Variants in BRDT observed in about 807,000 individuals in gnomAD.
BRDT encodes the protein bromodomain testis associated, also known as bromodomain testis-specific protein.
Under a neutral mutation model 113.9 loss-of-function variants are expected in BRDT, and 77 were observed. The observed-to-expected ratio is 0.68, with a 90% CI of 0.56 to 0.82. The LOEUF is 0.82. Among genes scored for constraint, BRDT ranks in the 40% least tolerant of loss-of-function variants. The pLI, the probability that BRDT is intolerant of heterozygous loss-of-function variation, is 0.00. For synonymous variants in BRDT, 358 were observed against 366.5 expected (o/e 0.98, Z 0.26); for missense variants, 1,027 against 1,105.4 (o/e 0.93, Z 1.01).
At chr1:91,965,998 C>T (rs1371431940) in intron 3 of BRDT, among the ~76,000 whole-genome samples, 1 of 152,032 alleles carries the variant, frequency 6.6e-6, no homozygotes, top group Non-Finnish European at 1.5e-5. Context: ...AATGAATTTG[C>T]CCATATGATA....
chr1:91,976,834 GA>G, intron 5 of BRDT, among the ~76,000 whole-genome samples: 1 of 152,180 alleles, frequency 6.6e-6, no homozygotes, highest in East Asian at 1.9e-4. Flanking sequence ...TGGTATGTGG[GA>G]AGATAATATT....
intron 15 of BRDT, among the ~76,000 whole-genome samples, chr1:91,998,436 T>C (rs1471843828): frequency 1.3e-5 from 2 of 152,144 alleles, no homozygotes; most frequent in Non-Finnish European, 2.9e-5. Context: ...AGCAAACCAC[T>C]ATGGCACGTG....
intron 1 of BRDT, among the ~76,000 whole-genome samples, chr1:91,957,839 TTTTTTGTTTTTG>T (rs375423962): frequency 1.3e-5 from 2 of 152,018 alleles, no homozygotes; most frequent in African/African-American, 2.4e-5. Flanking sequence ...TTTTTTGTTG[TTTTTTGTTTTTG>T]TTTTTGTTTT....
intron 18 of BRDT, among the ~76,000 whole-genome samples, chr1:92,009,572 C>T (rs1290725976): frequency 2.5e-5 from 1 of 39,444 alleles, no homozygotes; most frequent in Non-Finnish European, 5.4e-5. Context: ...TTTCTCTTGA[C>T]ACAGTCTCAC....
chr1:91,976,419 G>A lies in BRDT; in HGVS notation c.599G>A (p.Ser200Asn), dbSNP rs200502585. ...GTACAGGGAGCTTCAGTCAACTCCAGTTCACAAACTGCGGCCCAAGTAAGT... is the reference window on the plus strand; with the variant it reads ...GTACAGGGAGCTTCAGTCAACTCCAATTCACAAACTGCGGCCCAAGTAAGT... ...NVVQGASVNS[S>N]SQTAAQVTKG... Residue 200 changes from serine (S) to asparagine (N), a missense_variant, in exon 5 of 19, where the codon AGT (serine) becomes AAT (asparagine). Coordinates refer to ENST00000399546, the MANE Select transcript of BRDT (RefSeq NM_207189.4). 3.2e-5 allele frequency: 51 copies of A among 1,571,844 alleles called. No homozygotes were observed. In the African/African-American group the frequency reaches 5.4e-4, roughly 17 times the overall value.
intron 1 of BRDT, among the ~76,000 whole-genome samples, chr1:91,951,516 G>C (rs1286796166): frequency 1.3e-5 from 2 of 152,104 alleles, no homozygotes; most frequent in African/African-American, 4.8e-5. Flanking sequence ...GAAAAAAAAG[G>C]CTGGGCGCGG....
At chr1:91,959,668 AT>A (rs1682214717) in intron 1 of BRDT, among the ~76,000 whole-genome samples, 1 of 151,672 alleles carries the variant, frequency 6.6e-6, no homozygotes, top group South Asian at 2.1e-4. Flanking sequence ...TTTTGCAGAG[AT>A]GGGGGGTTTC....
intron 12 of BRDT, among the ~76,000 whole-genome samples, chr1:91,982,994 T>C (rs1184751958): frequency 1.3e-5 from 2 of 152,324 alleles, no homozygotes; most frequent in African/African-American, 4.8e-5. Context: ...GTCTTTTATT[T>C]GTAGGATAAA....
intron 12 of BRDT, among the ~76,000 whole-genome samples, chr1:91,987,524 G>A (rs1392960671): frequency 6.6e-6 from 1 of 151,702 alleles, no homozygotes; most frequent in Non-Finnish European, 1.5e-5. Context: ...TTTTAGTAGA[G>A]ACGGGGTTTC....
intron 12 of BRDT, among the ~76,000 whole-genome samples, chr1:91,982,184 T>C (rs1684790375): frequency 6.6e-6 from 1 of 152,218 alleles, no homozygotes; most frequent in South Asian, 2.1e-4. Context: ...ATGTTCTGAA[T>C]TGAATAATCC....
intron 15 of BRDT, among the ~76,000 whole-genome samples, chr1:92,000,734 G>T (rs944618894): frequency 3.3e-5 from 5 of 152,180 alleles, no homozygotes; most frequent in African/African-American, 1.2e-4. Flanking sequence ...TGACTAGAGA[G>T]AATTGAATCA....
At chr1:91,963,152 C>T (rs911665645) in intron 2 of BRDT, among the ~76,000 whole-genome samples, 6 of 152,066 alleles carry the variant, frequency 3.9e-5, no homozygotes, top group African/African-American at 1.2e-4. Flanking sequence ...GGAGAGACCC[C>T]GTCTCTACTA....
chr1:91,958,376 C>T (rs1020674114), intron 1 of BRDT, among the ~76,000 whole-genome samples: 7 of 151,898 alleles, frequency 4.6e-5, no homozygotes, highest in Non-Finnish European at 7.4e-5. Context: ...CTGCCATGCC[C>T]GGCTAGTTTT....
intron 7 of BRDT, among the ~76,000 whole-genome samples, chr1:91,979,174 C>T (rs3767856): frequency 0.72 from 106,581 of 147,256 alleles, 39,297 homozygotes; most frequent in Middle Eastern, 0.83. Flanking sequence ...AGTGTAGTGG[C>T]GCAATCTTGG....
chr1:91,952,827 G>A (rs1001525159), intron 1 of BRDT, among the ~76,000 whole-genome samples: 5 of 151,594 alleles, frequency 3.3e-5, no homozygotes, highest in Non-Finnish European at 5.9e-5. Context: ...CAGGGGTGAT[G>A]GGGGAGTGTT....
intron 18 of BRDT, among the ~76,000 whole-genome samples, chr1:92,005,774 G>A (rs1687241891): frequency 6.6e-6 from 1 of 152,166 alleles, no homozygotes; most frequent in South Asian, 2.1e-4. Context: ...TAAGCACATA[G>A]GAAAATGCCT....
intron 1 of BRDT, among the ~76,000 whole-genome samples, chr1:91,959,106 CAT>C (rs201728966): frequency 3.9e-5 from 6 of 152,044 alleles, no homozygotes; most frequent in South Asian, 2.1e-4. Flanking sequence ...AATAAATACA[CAT>C]ATATATATTT....
chr1:92,001,835 T>C (rs1419714910), intron 15 of BRDT, among the ~76,000 whole-genome samples: 1 of 151,736 alleles, frequency 6.6e-6, no homozygotes, highest in Admixed American at 6.6e-5. Context: ...CAAGCAAAAA[T>C]AACAAAAAAA....
At chr1:91,960,188 A>G (rs959131153) in intron 1 of BRDT, among the ~76,000 whole-genome samples, 1 of 152,196 alleles carries the variant, frequency 6.6e-6, no homozygotes, top group African/African-American at 2.4e-5. Context: ...TAGCAATTCC[A>G]CTTGTGTATA....
Sources: gnomAD v4.1 joint callset for allele counts (sites outside exome capture counted in the v4.1 genomes callset) on GRCh38, gnomAD v4.1.1 for gene constraint, MANE v1.5 for transcripts, NCBI Gene and HGNC (gene_info 2026-07-23, HGNC 2026-07-21) for gene names.